NUCKS1: variants seen among roughly 807,000 people sequenced by gnomAD.
NUCKS1 encodes nuclear casein kinase and cyclin dependent kinase substrate 1.
Under a neutral mutation model 33.0 loss-of-function variants are expected in NUCKS1, and 2 were observed. The observed-to-expected ratio is 0.06, with a 90% confidence interval of 0.02 to 0.19. The LOEUF is 0.19. Ranked by LOEUF, NUCKS1 falls within the 10% of genes least tolerant of loss-of-function variation. The pLI, the probability that NUCKS1 is intolerant of heterozygous loss-of-function variation, is 1.00. For missense variants in NUCKS1, 201 were observed against 293.6 expected, an observed-to-expected ratio of 0.68 and a Z score of 2.31; for synonymous variants, 106 against 102.8, an observed-to-expected ratio of 1.03 and a Z score of -0.19.
chr1:205,718,029 AAGAGACCAAT>A lies in NUCKS1; in HGVS notation c.*241_*250del. On this transcript the variant is annotated 3_prime_UTR_variant, in exon 7 of 7. Transcript: ENST00000367142. Reference sequence around the variant, plus strand: ...TCATTGGGAAAGGGGAGGGCTGGCAAAGAGACCAATAGACAAAAAGGTAACTTAAACACTT... The same window carrying A: ...TCATTGGGAAAGGGGAGGGCTGGCAAAGACAAAAAGGTAACTTAAACACTT... 7 of 1,117,956 alleles carry A rather than the reference AAGAGACCAAT, an allele frequency of 6.3e-6. No individual in the cohort carries two copies. Among genetic ancestry groups the A allele is most frequent in the Non-Finnish European group, 7.6e-6 (7 of 918,196 alleles). 69.3% of individuals were successfully genotyped at this position (1,117,956 alleles called of 1,614,324 possible). A position where few individuals can be genotyped will look rare whatever the true frequency, so the allele number is the denominator to read the frequency against.
chr1:205,724,010 A>G, intron 3 of NUCKS1, 29 bp from the exon 4 acceptor site: 2 of 1,556,390 alleles, frequency 1.3e-6, no homozygotes, highest in Non-Finnish European at 1.8e-6. Context: ...AAGCAAATGC[A>G]TAAAAGTCTT....
At chr1:205,732,846 ATT>A (rs1653948923) in intron 1 of NUCKS1, among the ~76,000 whole-genome samples, 1 of 151,680 alleles carries the variant, frequency 6.6e-6, no homozygotes, top group Non-Finnish European at 1.5e-5. Context: ...ATAAAAATAT[ATT>A]TTCTTTCTTA....
intron 1 of NUCKS1, among the ~76,000 whole-genome samples, chr1:205,731,615 G>C (rs538316295): frequency 3.8e-4 from 58 of 152,302 alleles, no homozygotes; most frequent in African/African-American, 1.3e-3. Context: ...AAATAGGCCA[G>C]GCGCAGTGGC....
At chr1:205,720,478 G>A in intron 5 of NUCKS1, 23 bp downstream of exon 5, 1 of 1,599,844 alleles carries the variant, frequency 6.3e-7, no homozygotes, top group Non-Finnish European at 8.5e-7. Flanking sequence ...AACAACCAAA[G>A]TACACAAAAC....
At chr1:205,720,246 G>A (rs1671897029) in intron 5 of NUCKS1, among the ~76,000 whole-genome samples, 1 of 152,118 alleles carries the variant, frequency 6.6e-6, no homozygotes. Flanking sequence ...TAAGCAAATT[G>A]TTCATTCAGT....
chr1:205,748,980 A>G (rs754060962), intron 1 of NUCKS1, among the ~76,000 whole-genome samples: 14 of 152,228 alleles, frequency 9.2e-5, no homozygotes, highest in Non-Finnish European at 1.6e-4. Context: ...AGAATGGCAT[A>G]GGACGATTCC....
intron 1 of NUCKS1, among the ~76,000 whole-genome samples, chr1:205,747,997 GA>G (rs1180510562): frequency 7.3e-4 from 102 of 140,114 alleles, no homozygotes; most frequent in African/African-American, 9.4e-4. Flanking sequence ...AAATGGCAAA[GA>G]AAAAAAAAAA....
chr1:205,749,842 A>G (rs1654445840), intron 1 of NUCKS1, 115 bp downstream of exon 1: 2 of 1,126,402 alleles, frequency 1.8e-6, no homozygotes, highest in Non-Finnish European at 2.5e-6. Flanking sequence ...CCCGAAAGGG[A>G]GGAGGCCGCG....
rs552633251 is a variant in NUCKS1 at position 205,712,970 on chromosome 1, G to T, written c.*5310C>A. On this transcript the variant is annotated 3_prime_UTR_variant, in exon 7 of 7. Coordinates refer to ENST00000367142, the MANE Select transcript of NUCKS1 (RefSeq NM_022731.5). ...AGTGCTCCCTTAATTAATCAAACTGGTAAGTCTACTGCTTCTTGATTCCAT... is the reference window on the plus strand; with the variant it reads ...AGTGCTCCCTTAATTAATCAAACTGTTAAGTCTACTGCTTCTTGATTCCAT... The T allele has an allele frequency of 6.6e-6, 1 of 152,288 alleles. No homozygotes were observed. The allele number at this position is 152,288 out of a possible 1,614,324, so 9.4% of individuals were successfully genotyped here. A position where few individuals can be genotyped will look rare whatever the true frequency, so the allele number is the denominator to read the frequency against.
At chr1:205,730,930 T>C (rs1653895187) in intron 1 of NUCKS1, among the ~76,000 whole-genome samples, 1 of 152,234 alleles carries the variant, frequency 6.6e-6, no homozygotes, top group African/African-American at 2.4e-5. Flanking sequence ...AAATGATATT[T>C]TACTCTTACT....
rs1020124223 is a variant in NUCKS1, at chr1:205,714,474, C to G, written c.*3806G>C. On this transcript the variant is annotated 3_prime_UTR_variant, in exon 7 of 7. Transcript: ENST00000367142. ...CCAATAGTGGTTATTACACAGTCAG[C>G]ACCACTGTGAATTTTGTGAATTTGA... 5 of 151,784 alleles carry G rather than the reference C, an allele frequency of 3.3e-5. No homozygotes were observed. The East Asian group carries it at 9.6e-4, about 29-fold the overall frequency. 9.4% of individuals were successfully genotyped at this position (151,784 alleles called of 1,614,324 possible).
chr1:205,736,215 G>A (rs1468803918), intron 1 of NUCKS1, among the ~76,000 whole-genome samples: 1 of 152,090 alleles, frequency 6.6e-6, no homozygotes, highest in Non-Finnish European at 1.5e-5. Context: ...GCCTCTCAAA[G>A]TGCTAGGATT....
intron 4 of NUCKS1, among the ~76,000 whole-genome samples, chr1:205,721,217 C>T (rs1320745622): frequency 1.3e-5 from 2 of 151,716 alleles, no homozygotes; most frequent in African/African-American, 4.8e-5. Context: ...AGCAAATCAC[C>T]ATGGCACACA....
intron 4 of NUCKS1, 102 bp from the exon 5 acceptor site, chr1:205,720,755 A>T (rs1295469991): frequency 8.6e-6 from 10 of 1,165,572 alleles, no homozygotes; most frequent in Non-Finnish European, 1.2e-5. Flanking sequence ...CTGACTGAAA[A>T]GGCCAACACA....
chr1:205,719,707 C>T (rs771293135), intron 5 of NUCKS1, 31 bp from the exon 6 acceptor site: 41 of 1,600,986 alleles, frequency 2.6e-5, no homozygotes, highest in Non-Finnish European at 3.3e-5. Flanking sequence ...CAACATCTAA[C>T]TTAATGTACA....
intron 1 of NUCKS1, among the ~76,000 whole-genome samples, chr1:205,736,834 A>C (rs1301100038): frequency 6.6e-6 from 1 of 151,946 alleles, no homozygotes; most frequent in Non-Finnish European, 1.5e-5. Context: ...CCTTCTAAAA[A>C]AAAAAAAAAA....
At chr1:205,735,166 G>A (rs2102441591) in intron 1 of NUCKS1, among the ~76,000 whole-genome samples, 1 of 152,276 alleles carries the variant, frequency 6.6e-6, no homozygotes, top group Middle Eastern at 3.4e-3. Flanking sequence ...ATCATGTGCT[G>A]CATGACATTA....
intron 6 of NUCKS1, 26 bp downstream of exon 6, chr1:205,719,501 T>C: frequency 2.5e-6 from 4 of 1,572,370 alleles, no homozygotes; most frequent in Non-Finnish European, 3.4e-6. Flanking sequence ...AAGCAGTAAA[T>C]TTAATTTCAC....
At position 205,717,646 on chromosome 1, in the gene NUCKS1, A is replaced by G. The variant is rs1558048372; in HGVS notation, c.*634T>C. On this transcript the variant is annotated 3_prime_UTR_variant, in exon 7 of 7. Transcript: ENST00000367142. Reference sequence around the variant, plus strand: ...AACCCCATTGCCCACCCTCCCTACAAGGTAAAAAATGAGTACTTTTAGTAA... The same window carrying G: ...AACCCCATTGCCCACCCTCCCTACAGGGTAAAAAATGAGTACTTTTAGTAA... 2 of 985,302 alleles carry G rather than the reference A, an allele frequency of 2.0e-6. No individual in the cohort carries two copies. Among genetic ancestry groups the G allele is most frequent in the Non-Finnish European group, 2.4e-6 (2 of 829,928 alleles). The allele number at this position is 985,302 out of a possible 1,614,324, so 61.0% of individuals were successfully genotyped here.
Sources: allele counts gnomAD v4.1 joint callset (sites outside exome capture counted in the v4.1 genomes callset), GRCh38; gene constraint gnomAD v4.1.1; transcripts MANE v1.5; gene names NCBI Gene and HGNC (gene_info 2026-07-23, HGNC 2026-07-21).